The following EXD3 variants were observed in gnomAD, a reference collection of about 807,000 sequenced individuals.
EXD3 encodes the protein exonuclease mut-7 homolog.
A neutral mutation model predicts 98.0 loss-of-function variants in EXD3; 92 were observed. The ratio of observed to expected loss-of-function variants is 0.94; its 90% CI spans 0.79 to 1.12. The LOEUF is 1.12. Among genes scored for constraint, EXD3 ranks in the 50% most tolerant of loss-of-function variants. The probability of loss-of-function intolerance (pLI) is 0.00; values close to 1 mark genes in which losing one functional copy is unlikely to be tolerated. For missense variants in EXD3, 1,222 were observed against 1,191.6 expected (o/e 1.03, Z -0.38); for synonymous variants, 569 against 526.0 (o/e 1.08, Z -1.12).
chr9:137,353,999 C>T (rs1237737096), intron 10 of EXD3: 21 of 1,127,090 alleles, frequency 1.9e-5, no homozygotes, highest in African/African-American at 1.1e-4. Flanking sequence ...TTCCTCCTTC[C>T]GGCCTCGCCC....
chr9:137,366,691 ACCT>A, intron 6 of EXD3, 59 bp from the exon 7 acceptor site: 1 of 1,520,470 alleles, frequency 6.6e-7, no homozygotes, highest in Non-Finnish European at 8.9e-7. Context: ...AACCTGACTC[ACCT>A]CCAACCCAGA....
Position 137,356,025 on chromosome 9 carries a change from G to A in EXD3, c.757+243C>T, listed in dbSNP as rs184906954. On this transcript the variant is annotated intron_variant, in intron 8 of 21. Coordinates refer to ENST00000340951, the MANE Select transcript of EXD3 (RefSeq NM_017820.5). ...CAGGCAGGAGGCAGGAAGCCCTCCC[G>A]GAGCCGCCTAGGTGGGCAGAGGAGC... is the stretch of plus-strand genomic sequence containing the variant. Among the ~76,000 whole-genome samples the A allele has an allele frequency of 3.0e-3, 455 of 152,288 alleles. 2 individuals carry two copies. The Middle Eastern group carries it at 0.031, about 10-fold the overall frequency.
intron 7 of EXD3, among the ~76,000 whole-genome samples, chr9:137,357,570 G>A (rs567291758): frequency 5.3e-5 from 8 of 151,716 alleles, no homozygotes; most frequent in African/African-American, 1.7e-4. Context: ...CTTTCTGTGG[G>A]GCCCCCATCT....
intron 17 of EXD3, among the ~76,000 whole-genome samples, chr9:137,338,186 A>G (rs536448269): frequency 6.8e-4 from 104 of 152,366 alleles, no homozygotes; most frequent in African/African-American, 2.4e-3. Context: ...AATTGGAAAT[A>G]TACAGACTAT....
intron 17 of EXD3, among the ~76,000 whole-genome samples, chr9:137,333,834 T>C (rs573031161): frequency 3.4e-4 from 51 of 152,098 alleles, no homozygotes; most frequent in African/African-American, 1.2e-3. Context: ...ATTTCTTTTT[T>C]TCTTTTCTTT....
chr9:137,363,591 G>A (rs1835090806), intron 7 of EXD3, among the ~76,000 whole-genome samples: 1 of 151,940 alleles, frequency 6.6e-6, no homozygotes, highest in Admixed American at 6.6e-5. Context: ...GCCTGCCTCG[G>A]CCTCCCAAAG....
intron 17 of EXD3, among the ~76,000 whole-genome samples, chr9:137,337,493 A>G (rs963257807): frequency 6.6e-6 from 1 of 152,080 alleles, no homozygotes; most frequent in Non-Finnish European, 1.5e-5. Context: ...TCTACTAAAA[A>G]TACAAAAATT....
At chr9:137,404,878 T>C (rs1837642744) in intron 1 of EXD3, among the ~76,000 whole-genome samples, 1 of 146,368 alleles carries the variant, frequency 6.8e-6, no homozygotes, top group South Asian at 2.2e-4. Flanking sequence ...AAAAAATCAC[T>C]AAAAGCCACA....
At chr9:137,352,261 C>T (rs893255249) in intron 11 of EXD3, 60 bp from the exon 12 acceptor site, 48 of 1,604,284 alleles carry the variant, frequency 3.0e-5, no homozygotes, top group East Asian at 1.8e-4. Context: ...ACTCTGACCT[C>T]GGAGCAGGAG....
chr9:137,352,541 T>C, intron 11 of EXD3, 79 bp downstream of exon 11: 1 of 1,335,116 alleles, frequency 7.5e-7, no homozygotes, highest in Non-Finnish European at 1.0e-6. Flanking sequence ...GCGTGAAGAC[T>C]GGTGAGCTGT....
chr9:137,414,182 G>A (rs983973004), intron 1 of EXD3, among the ~76,000 whole-genome samples: 1 of 152,234 alleles, frequency 6.6e-6, no homozygotes, highest in African/African-American at 2.4e-5. Flanking sequence ...CTCCCAAAGT[G>A]CTGGGATTAC....
In EXD3 at chr9:137,354,295, G is replaced by A. The variant is rs375915790; in HGVS notation, c.870+44C>T. 501 of 1,607,038 alleles carry A rather than the reference G, an allele frequency of 3.1e-4. No homozygotes were observed. In the Middle Eastern group the frequency reaches 5.1e-3, roughly 16 times the overall value. Reference sequence around the variant, plus strand: ...CCGGGCCTGTGCCCCTAGGACAGCCGCCCAGGCCGCCCTGCCGGCTTACAG... The same window carrying A: ...CCGGGCCTGTGCCCCTAGGACAGCCACCCAGGCCGCCCTGCCGGCTTACAG... On this transcript the variant is annotated intron_variant, in intron 10 of 21. Coordinates refer to ENST00000340951, the MANE Select transcript of EXD3 (RefSeq NM_017820.5).
chr9:137,374,670 G>C (rs1564524750), intron 3 of EXD3: 2 of 985,478 alleles, frequency 2.0e-6, no homozygotes, highest in Non-Finnish European at 2.4e-6. Context: ...AAAGGCGCGG[G>C]AGGCAAGGCT....
chr9:137,365,014 C>G (rs976145771), intron 7 of EXD3: 1 of 151,598 alleles, frequency 6.6e-6, no homozygotes, highest in Non-Finnish European at 1.5e-5. Flanking sequence ...GTGATCCACC[C>G]GCCTCGGCCT....
chr9:137,367,709 G>C, intron 6 of EXD3: 1 of 511,276 alleles, frequency 2.0e-6, no homozygotes, highest in Non-Finnish European at 3.5e-6. Flanking sequence ...GGCTTCAGGG[G>C]ACAGCTGGAC....
chr9:137,354,159 T>A, intron 10 of EXD3, 180 bp downstream of exon 10: 2 of 1,424,962 alleles, frequency 1.4e-6, no homozygotes, highest in Admixed American at 5.2e-5. Flanking sequence ...CGCTCAGGCC[T>A]CCCGGGCCTG....
chr9:137,386,083 C>T (rs1836576225), intron 2 of EXD3, among the ~76,000 whole-genome samples: 1 of 151,994 alleles, frequency 6.6e-6, no homozygotes, highest in African/African-American at 2.4e-5. Context: ...GTCGCTTGAG[C>T]CCTGGAGTTT....
At position 137,358,460 on chromosome 9, in the gene EXD3, C is replaced by T. The variant is rs7468791; in HGVS notation, c.657-2092G>A. On this transcript the variant is annotated intron_variant, in intron 7 of 21. Coordinates refer to ENST00000340951, the MANE Select transcript of EXD3 (RefSeq NM_017820.5). ...CTTGGAGGAATCTGGGCCTCCACTT[C>T]CTGTGCCTCCCGGGGGCTCCGAAGC... Among the ~76,000 whole-genome samples, 574 of 152,294 alleles carry T rather than the reference C, an allele frequency of 3.8e-3. 3 individuals carry two copies. Among genetic ancestry groups the T allele is most frequent in the African/African-American group, 0.013 (528 of 41,562 alleles).
rs1358063463 is a variant in EXD3, at chr9:137,378,632, A to C, written c.120+4681T>G. Reference sequence around the variant, plus strand: ...GATGACCCTCAGCTGTCTATGAAGAAACAGCATGTGGCCTGGCCACGTATT... The same window carrying C: ...GATGACCCTCAGCTGTCTATGAAGACACAGCATGTGGCCTGGCCACGTATT... On this transcript the variant is annotated intron_variant, in intron 3 of 21. Transcript: ENST00000340951. Among the ~76,000 whole-genome samples the C allele has an allele frequency of 3.3e-5, 5 of 152,384 alleles. No individual in the cohort carries two copies. In the East Asian group the frequency reaches 9.6e-4, roughly 29 times the overall value.
Sources: allele counts gnomAD v4.1 joint callset (sites outside exome capture counted in the v4.1 genomes callset), GRCh38; gene constraint gnomAD v4.1.1; transcripts MANE v1.5; gene names NCBI Gene and HGNC (gene_info 2026-07-23, HGNC 2026-07-21).